Variants in NOS1 observed in about 807,000 individuals in gnomAD.
NOS1 encodes NOS type I.
Under a neutral mutation model 164.5 loss-of-function variants are expected in NOS1, and 51 were observed. The observed-to-expected ratio is 0.31, with a 90% confidence interval of 0.25 to 0.39. NOS1 has a LOEUF of 0.39. Among genes scored for constraint, NOS1 ranks in the 10% least tolerant of loss-of-function variants. NOS1 has a pLI of 1.00. For synonymous variants in NOS1, 719 were observed against 745.8 expected (o/e 0.96, Z 0.59); for missense variants, 1,362 against 1,885.6 (o/e 0.72, Z 5.14).
intron 3 of NOS1, among the ~76,000 whole-genome samples, chr12:117,305,665 CT>C (rs566243558): frequency 3.9e-4 from 60 of 152,218 alleles, no homozygotes; most frequent in African/African-American, 1.4e-3. Flanking sequence ...TTCCTTTGCG[CT>C]GGAGCTGGGA....
chr12:117,338,225 C>CA (rs1040375564), intron 1 of NOS1, among the ~76,000 whole-genome samples: 58 of 148,950 alleles, frequency 3.9e-4, no homozygotes, highest in African/African-American at 1.1e-3. Flanking sequence ...TCAAACAAAA[C>CA]AAAAAAAAAC....
At chr12:117,227,669 G>A in intron 22 of NOS1, 28 bp from the exon 23 acceptor site, 1 of 1,610,260 alleles carries the variant, frequency 6.2e-7, no homozygotes, top group East Asian at 2.2e-5. Flanking sequence ...ACAGAGACAA[G>A]CTTGAACCCA....
chr12:117,247,227 G>C (rs1269609731), intron 18 of NOS1, 121 bp downstream of exon 18: 6 of 778,074 alleles, frequency 7.7e-6, no homozygotes, highest in Non-Finnish European at 1.2e-5. Context: ...ATCTTGGCTG[G>C]ATACATGGGA....
chr12:117,301,394 G>T (rs955544925), intron 3 of NOS1, among the ~76,000 whole-genome samples: 7 of 152,184 alleles, frequency 4.6e-5, no homozygotes, highest in South Asian at 2.1e-4. Context: ...CTCCCAAAGT[G>T]CTGGGATTAC....
chr12:117,267,973 G>T, intron 11 of NOS1, 70 bp downstream of exon 11: 1 of 1,102,840 alleles, frequency 9.1e-7, no homozygotes, highest in Middle Eastern at 2.9e-4. Context: ...TTGATCCTCT[G>T]CATCAAGGCT....
chr12:117,246,603 A>G (rs955517434), intron 18 of NOS1, among the ~76,000 whole-genome samples: 1 of 151,896 alleles, frequency 6.6e-6, no homozygotes, highest in Admixed American at 6.6e-5. Flanking sequence ...ACACTGAAAA[A>G]CTTTTTTATC....
chr12:117,264,314 C>G (rs928040958), intron 12 of NOS1, among the ~76,000 whole-genome samples: 5 of 152,058 alleles, frequency 3.3e-5, no homozygotes, highest in Non-Finnish European at 7.4e-5. Context: ...ACTCTGCTGC[C>G]CAGGCAGGAG....
At chr12:117,229,058 G>T (rs1327652623) in intron 22 of NOS1, among the ~76,000 whole-genome samples, 3 of 152,240 alleles carry the variant, frequency 2.0e-5, no homozygotes, top group Admixed American at 1.3e-4. Flanking sequence ...TGGGATTATA[G>T]GCATGAGCCA....
intron 1 of NOS1, among the ~76,000 whole-genome samples, chr12:117,344,305 C>T (rs550851068): frequency 7.2e-4 from 110 of 152,272 alleles, no homozygotes; most frequent in Non-Finnish European, 1.3e-3. Flanking sequence ...GGTGAATAAG[C>T]GCTCAACTAT....
chr12:117,311,418 C>A (rs1445196843), intron 3 of NOS1, 48 bp downstream of exon 3: 1 of 1,532,220 alleles, frequency 6.5e-7, no homozygotes, highest in Admixed American at 2.0e-5. Flanking sequence ...GGGAGGGGGT[C>A]GAGAAGGCGT....
intron 12 of NOS1, 56 bp from the exon 13 acceptor site, chr12:117,264,030 C>G: frequency 6.9e-7 from 1 of 1,443,160 alleles, no homozygotes; most frequent in Admixed American, 1.7e-5. Context: ...CATCTGGTTC[C>G]TGTTGGGGAT....
intron 9 of NOS1, among the ~76,000 whole-genome samples, chr12:117,274,530 A>G (rs957904363): frequency 3.3e-5 from 5 of 152,154 alleles, no homozygotes; most frequent in African/African-American, 1.2e-4. Flanking sequence ...GCACTTTAGG[A>G]GGCCGAGGCA....
chr12:117,300,134 T>C (rs1320846426), intron 3 of NOS1, among the ~76,000 whole-genome samples: 1 of 152,206 alleles, frequency 6.6e-6, no homozygotes, highest in Non-Finnish European at 1.5e-5. Flanking sequence ...CTGGGGCTGT[T>C]GACCTGTAAG....
At chr12:117,289,543 G>A (rs941041819) in intron 4 of NOS1, among the ~76,000 whole-genome samples, 2 of 152,184 alleles carry the variant, frequency 1.3e-5, no homozygotes, top group Non-Finnish European at 1.5e-5. Context: ...CTTTAAGTTC[G>A]GGATACACGT....
chr12:117,331,384 C>G lies in NOS1; in HGVS notation c.-315G>C, dbSNP rs540886861. 1 of 368,142 alleles carries G rather than the reference C, an allele frequency of 2.7e-6. No homozygotes were observed. The highest frequency in any genetic ancestry group is 4.3e-5 in the South Asian group (1 of 23,176). The allele number at this position is 368,142 out of a possible 1,614,324, so 22.8% of individuals were successfully genotyped here. On this transcript the variant is annotated 5_prime_UTR_variant, in exon 2 of 29. Transcript: ENST00000317775. ...GGTCAGGCAGAAAGGGGAGGAGATG[C>G]GTCTGATGGCTGTGTCTAGAAGTGA...
chr12:117,213,533 T>G lies in NOS1; in HGVS notation c.*1776A>C. On this transcript the variant is annotated 3_prime_UTR_variant, in exon 29 of 29. Transcript: ENST00000317775. Reference sequence around the variant, plus strand: ...AGGGATGGCAGAGCAAGGTGAGTCATAGATTGCCTTTTCACTTTAACAGTC... The same window carrying G: ...AGGGATGGCAGAGCAAGGTGAGTCAGAGATTGCCTTTTCACTTTAACAGTC... 1.0e-6 allele frequency: 1 copy of G among 985,440 alleles called. No individual in the cohort carries two copies. The allele number at this position is 985,440 out of a possible 1,614,324, so 61.0% of individuals were successfully genotyped here.
chr12:117,340,504 A>G (rs1234447309), intron 1 of NOS1, among the ~76,000 whole-genome samples: 1 of 152,026 alleles, frequency 6.6e-6, no homozygotes, highest in East Asian at 1.9e-4. Flanking sequence ...ATACAAAGAG[A>G]TAATAGTTAA....
At chr12:117,343,104 G>A (rs1332034447) in intron 1 of NOS1, among the ~76,000 whole-genome samples, 1 of 151,932 alleles carries the variant, frequency 6.6e-6, no homozygotes, top group African/African-American at 2.4e-5. Context: ...TGAGGCGAGA[G>A]GATTGTTTGA....
In NOS1 at chr12:117,218,056, C is replaced by T; in HGVS notation, c.4279G>A (p.Asp1427Asn). The T allele has an allele frequency of 6.2e-7, 1 of 1,613,304 alleles. No homozygotes were observed. Among genetic ancestry groups the T allele is most frequent in the Non-Finnish European group, 8.5e-7 (1 of 1,179,266 alleles). Residue 1427 changes from aspartate (D) to asparagine (N), a missense_variant, in exon 28 of 29, where the codon GAC becomes AAC. By Grantham distance (23) the Asp-to-Asn change is conservative (BLOSUM62 1). Around this residue, in one of 4 missense-constraint regions of NOS1, gnomAD observed 737 missense variants for 1,030.3 expected, o/e 0.72. Coordinates refer to ENST00000317775, the MANE Select transcript of NOS1 (RefSeq NM_000620.5). ...ATGGAGCCAGCTTACTCATCGGTGT[C>T]TTTTTTGCTCTCTTCAATGAAGGCA... ...SIAFIEESKK[D>N]TDEVFSS is the part of the protein sequence containing the mutation.
Sources: allele counts gnomAD v4.1 joint callset (sites outside exome capture counted in the v4.1 genomes callset), GRCh38; gene constraint gnomAD v4.1.1; regional missense constraint gnomAD v4.1.1; transcripts MANE v1.5; gene names NCBI Gene and HGNC (gene_info 2026-07-23, HGNC 2026-07-21).